The following TEX14 variants were observed in gnomAD, a reference collection of about 807,000 sequenced individuals.
TEX14 encodes the protein testis expressed 14, intercellular bridge forming factor.
Under a neutral mutation model 178.6 loss-of-function variants are expected in TEX14, and 168 were observed. The ratio of observed to expected loss-of-function variants is 0.94; its 90% CI spans 0.83 to 1.07. The LOEUF is 1.07. Among genes scored for constraint, TEX14 ranks in the 50% least tolerant of loss-of-function variants. The probability of loss-of-function intolerance (pLI) is 0.00; values close to 1 mark genes in which losing one functional copy is unlikely to be tolerated. For missense variants in TEX14, 1,730 were observed against 1,753.6 expected (o/e 0.99, Z 0.24); for synonymous variants, 626 against 634.1 (o/e 0.99, Z 0.19).
intron 1 of TEX14, among the ~76,000 whole-genome samples, chr17:58,656,078 A>C (rs2046952199): frequency 6.6e-6 from 1 of 152,186 alleles, no homozygotes; most frequent in South Asian, 2.1e-4. Context: ...AAGTGGGTGG[A>C]TCATCTGAGG....
chr17:58,584,845 A>C (rs2044914350), intron 18 of TEX14, among the ~76,000 whole-genome samples: 1 of 152,216 alleles, frequency 6.6e-6, no homozygotes, highest in Non-Finnish European at 1.5e-5. Flanking sequence ...CTAAATACAA[A>C]TAATACCCAA....
intron 26 of TEX14, among the ~76,000 whole-genome samples, chr17:58,568,579 C>G (rs1214810825): frequency 6.6e-6 from 1 of 152,160 alleles, no homozygotes; most frequent in Non-Finnish European, 1.5e-5. Context: ...CCTAGGAAAA[C>G]AGACCACCTG....
At chr17:58,623,181 TACACACACAC>T (rs34181308) in intron 3 of TEX14, among the ~76,000 whole-genome samples, 169 bp from the exon 4 acceptor site, 3 of 146,726 alleles carry the variant, frequency 2.0e-5, no homozygotes, top group African/African-American at 5.0e-5. Context: ...GAACTTTCTG[TACACACACAC>T]ACACACACAC....
At chr17:58,665,774 G>A (rs553663221) in intron 1 of TEX14, among the ~76,000 whole-genome samples, 2 of 151,490 alleles carry the variant, frequency 1.3e-5, no homozygotes, top group South Asian at 2.1e-4. Flanking sequence ...GGCTGGGCGC[G>A]GTGGCTCACG....
intron 19 of TEX14, among the ~76,000 whole-genome samples, chr17:58,580,317 A>T (rs759617763): frequency 5.3e-5 from 8 of 151,916 alleles, no homozygotes; most frequent in Non-Finnish European, 1.0e-4. Flanking sequence ...GAAATTATAT[A>T]TATATATTTT....
chr17:58,653,711 G>A (rs1406236504), intron 1 of TEX14, among the ~76,000 whole-genome samples: 1 of 152,246 alleles, frequency 6.6e-6, no homozygotes, highest in African/African-American at 2.4e-5. Flanking sequence ...ATACTGACTT[G>A]CCACGTGGGA....
intron 14 of TEX14, among the ~76,000 whole-genome samples, chr17:58,595,459 G>A (rs2045257149): frequency 1.3e-5 from 2 of 152,140 alleles, no homozygotes; most frequent in Admixed American, 6.6e-5. Flanking sequence ...GGCTGGCCTC[G>A]TGAATTTCTT....
At position 58,602,564 on chromosome 17, in the gene TEX14, C is replaced by T. The variant is rs763235022; in HGVS notation, c.1363G>A (p.Gly455Ser). 8.4e-5 allele frequency: 135 copies of T among 1,613,546 alleles called. No homozygotes were observed. The highest frequency in any genetic ancestry group is 6.3e-4 in the Admixed American group (38 of 59,888). ...TDDIPWKGLD[G>S]SVVKKAVVSG... ...ACTACGGCTTTTTTAACAACTGAGCCATCTAAGCCCTTCCAGGGTATGTCA... is the reference window on the plus strand; with the variant it reads ...ACTACGGCTTTTTTAACAACTGAGCTATCTAAGCCCTTCCAGGGTATGTCA... Residue 455 changes from glycine (G) to serine (S), a missense_variant, in exon 12 of 32, where the codon GGC becomes AGC. By Grantham distance (56) the Gly-to-Ser change is moderately conservative. Coordinates refer to ENST00000349033, the MANE Select transcript of TEX14 (RefSeq NM_031272.5).
intron 21 of TEX14, among the ~76,000 whole-genome samples, chr17:58,575,143 T>C (rs2044646005): frequency 6.7e-6 from 1 of 148,528 alleles, no homozygotes; most frequent in Non-Finnish European, 1.5e-5. Context: ...AGATGGAGTC[T>C]CACTCTTGTT....
intron 3 of TEX14, among the ~76,000 whole-genome samples, chr17:58,623,331 T>C (rs900935360): frequency 6.6e-6 from 1 of 152,056 alleles, no homozygotes; most frequent in African/African-American, 2.4e-5. Context: ...TGGTTCCAAA[T>C]CCAATTTTCT....
intron 1 of TEX14, among the ~76,000 whole-genome samples, chr17:58,683,817 A>G (rs768427111): frequency 1.3e-5 from 2 of 151,698 alleles, no homozygotes; most frequent in Non-Finnish European, 2.9e-5. Context: ...CTGTAATCCC[A>G]GCACTTTGGG....
chr17:58,556,869 T>A lies in TEX14; in HGVS notation c.*142A>T. On this transcript the variant is annotated 3_prime_UTR_variant, in exon 32 of 32. Coordinates refer to ENST00000349033, the MANE Select transcript of TEX14 (RefSeq NM_031272.5). Reference sequence around the variant, plus strand: ...TAACAGAGAGGGCCAAACGATGATGTCTATTGTGGCAGCTGAACAAAGTGA... The same window carrying A: ...TAACAGAGAGGGCCAAACGATGATGACTATTGTGGCAGCTGAACAAAGTGA... The A allele has an allele frequency of 1.4e-6, 1 of 694,222 alleles. No individual in the cohort carries two copies. The highest frequency in any genetic ancestry group is 2.3e-5 in the Admixed American group (1 of 43,656). The allele number at this position is 694,222 out of a possible 1,614,324, so 43.0% of individuals were successfully genotyped here.
At chr17:58,604,749 C>T (rs1258196522) in intron 11 of TEX14, among the ~76,000 whole-genome samples, 1 of 151,944 alleles carries the variant, frequency 6.6e-6, no homozygotes, top group Non-Finnish European at 1.5e-5. Context: ...TTAGTAGAGA[C>T]AGGGTTTCAC....
intron 28 of TEX14, among the ~76,000 whole-genome samples, chr17:58,564,607 A>G (rs2044357835): frequency 6.6e-6 from 1 of 152,204 alleles, no homozygotes; most frequent in African/African-American, 2.4e-5. Flanking sequence ...ATGTGAATAT[A>G]CTTATTAAGG....
At chr17:58,642,790 C>G (rs564908986) in intron 2 of TEX14, among the ~76,000 whole-genome samples, 38 of 152,276 alleles carry the variant, frequency 2.5e-4, no homozygotes, top group African/African-American at 8.9e-4. Context: ...CCATCCATCC[C>G]TTGGCCTCCT....
chr17:58,622,897 G>C lies in TEX14; in HGVS notation c.367C>G (p.Gln123Glu), dbSNP rs1227133932. The C allele has an allele frequency of 6.2e-7, 1 of 1,613,266 alleles. No homozygotes were observed. Among genetic ancestry groups the C allele is most frequent in the East Asian group, 2.2e-5 (1 of 44,858 alleles). ...GDLRLHDERG[Q>E]NPKTWALTAG... ...GTCAAAGCCCAAGTCTTCGGGTTTT[G>C]ACCCCTCTCATCGTGGAGTCGCAGG... is the stretch of plus-strand genomic sequence containing the variant. The change falls in exon 4 of 32, where the codon CAA becomes GAA. Residue 123 changes from glutamine (Q) to glutamate (E), a missense_variant. Physicochemically the swap from Gln to Glu is conservative, Grantham distance 29. Coordinates refer to ENST00000349033, the MANE Select transcript of TEX14 (RefSeq NM_031272.5).
In TEX14 at chr17:58,599,346, T is replaced by C. The variant is rs573980905; in HGVS notation, c.1999A>G (p.Met667Val). The C allele has an allele frequency of 1.2e-6, 2 of 1,614,114 alleles. No homozygotes were observed. Among genetic ancestry groups the C allele is most frequent in the Admixed American group, 1.7e-5 (1 of 60,022 alleles). The change falls in exon 14 of 32, where the codon ATG becomes GTG. Residue 667 changes from methionine (M) to valine (V), a missense_variant. Met to Val is a conservative substitution (Grantham distance 21). Coordinates refer to ENST00000349033, the MANE Select transcript of TEX14 (RefSeq NM_031272.5). ...CCAAAACAACACGCCTCTCTCTCCA[T>C]CTTATCCAGCTCTTCTTCCATGGAT... ...LKSMEEELDK[M>V]EREACCFGSE...
At chr17:58,619,031 C>A (rs2045938105) in intron 5 of TEX14, among the ~76,000 whole-genome samples, 1 of 152,184 alleles carries the variant, frequency 6.6e-6, no homozygotes, top group Admixed American at 6.5e-5. Flanking sequence ...GGCTTATGTG[C>A]TTAGGCCTCA....
At chr17:58,629,555 TG>T (rs1451145557) in intron 3 of TEX14, among the ~76,000 whole-genome samples, 3 of 151,604 alleles carry the variant, frequency 2.0e-5, no homozygotes, top group Admixed American at 2.0e-4. Context: ...CCGGGCACGG[TG>T]GCTCACGCCT....
Sources: allele counts gnomAD v4.1 joint callset (sites outside exome capture counted in the v4.1 genomes callset), GRCh38; gene constraint gnomAD v4.1.1; transcripts MANE v1.5; gene names NCBI Gene and HGNC (gene_info 2026-07-23, HGNC 2026-07-21).